The following NFXL1 variants were observed in gnomAD, a reference collection of about 807,000 sequenced individuals.
NFXL1 encodes the protein nuclear transcription factor, X-box binding like 1, also known as NF-X1-type zinc finger protein NFXL1.
NFXL1 carries 66 observed loss-of-function variants against 123.3 expected under a neutral mutation model. That is an observed-to-expected ratio of 0.54 (90% CI 0.44 to 0.66). NFXL1 has a LOEUF of 0.66. Ranked by LOEUF, NFXL1 falls within the 30% of genes least tolerant of loss-of-function variation. The probability of loss-of-function intolerance (pLI) is 0.00; values close to 1 mark genes in which losing one functional copy is unlikely to be tolerated. For missense variants in NFXL1, 944 were observed against 1,125.6 expected (o/e 0.84, Z 2.31); for synonymous variants, 346 against 360.8 (o/e 0.96, Z 0.46).
At chr4:47,890,195 A>C (rs1270469227) in intron 12 of NFXL1, among the ~76,000 whole-genome samples, 1 of 152,178 alleles carries the variant, frequency 6.6e-6, no homozygotes, top group Non-Finnish European at 1.5e-5. Context: ...CCAGCTTCGG[A>C]CATATCTAAT....
In NFXL1 at chr4:47,884,326, A is replaced by G. The variant is rs746992951; in HGVS notation, c.1916+20T>C. 7.1e-7 allele frequency: 1 copy of G among 1,402,862 alleles called. No homozygotes were observed. Among genetic ancestry groups the G allele is most frequent in the South Asian group, 1.2e-5 (1 of 80,426 alleles). The allele number at this position is 1,402,862 out of a possible 1,614,324, so 86.9% of individuals were successfully genotyped here. On this transcript the variant is annotated intron_variant, in intron 15 of 22. Coordinates refer to ENST00000507489, the MANE Select transcript of NFXL1 (RefSeq NM_001278624.2). ...AAAAGTTTTTTGTTTTTTTTTTTTAATTGAAATTCTAATACTTACATAGGA... is the reference window on the plus strand; with the variant it reads ...AAAAGTTTTTTGTTTTTTTTTTTTAGTTGAAATTCTAATACTTACATAGGA...
intron 3 of NFXL1, among the ~76,000 whole-genome samples, chr4:47,909,143 T>C (rs1340137139): frequency 6.6e-6 from 1 of 151,946 alleles, no homozygotes; most frequent in East Asian, 1.9e-4. Flanking sequence ...TCCTAACAAC[T>C]CTACAGTATT....
intron 3 of NFXL1, 32 bp from the exon 4 acceptor site, chr4:47,905,378 A>C (rs1737523226): frequency 9.5e-7 from 1 of 1,056,750 alleles, no homozygotes; most frequent in African/African-American, 1.6e-5. Context: ...ATCTCACCCT[A>C]AACAACATCT....
intron 10 of NFXL1, 55 bp downstream of exon 10, chr4:47,896,468 T>G: frequency 7.3e-7 from 1 of 1,378,366 alleles, no homozygotes; most frequent in East Asian, 2.3e-5. Flanking sequence ...ACAATCTCAT[T>G]TGATACATTA....
intron 11 of NFXL1, among the ~76,000 whole-genome samples, chr4:47,893,052 G>C (rs973342929): frequency 6.6e-6 from 1 of 152,094 alleles, no homozygotes; most frequent in Admixed American, 6.5e-5. Context: ...CCAACTTCTA[G>C]AGATGAAAAT....
At chr4:47,873,855 T>C (rs1034343325) in intron 18 of NFXL1, among the ~76,000 whole-genome samples, 3 of 152,250 alleles carry the variant, frequency 2.0e-5, no homozygotes, top group Non-Finnish European at 4.4e-5. Flanking sequence ...TTTGTCTACA[T>C]TGGAAATCTG....
intron 20 of NFXL1, among the ~76,000 whole-genome samples, chr4:47,853,028 G>A (rs1282371786): frequency 4.0e-5 from 6 of 149,696 alleles, no homozygotes; most frequent in African/African-American, 1.5e-4. Flanking sequence ...ACATAGTCTT[G>A]TCCTCCAAAG....
chr4:47,907,600 TAAATC>T (rs1737621128), intron 3 of NFXL1, among the ~76,000 whole-genome samples: 1 of 152,216 alleles, frequency 6.6e-6, no homozygotes, highest in Admixed American at 6.5e-5. Context: ...TGTATGTTCT[TAAATC>T]AAGTGATCAG....
intron 5 of NFXL1, among the ~76,000 whole-genome samples, chr4:47,900,329 T>C (rs1737305939): frequency 6.6e-6 from 1 of 152,080 alleles, no homozygotes; most frequent in African/African-American, 2.4e-5. Flanking sequence ...CGTGCCTCAG[T>C]GTCCCAAGTA....
chr4:47,873,489 C>T (rs1310389729), intron 18 of NFXL1, among the ~76,000 whole-genome samples: 1 of 152,148 alleles, frequency 6.6e-6, no homozygotes, highest in African/African-American at 2.4e-5. Flanking sequence ...CATTCATCTC[C>T]TTGTATATCT....
At chr4:47,896,428 T>C (rs1737088679) in intron 10 of NFXL1, 95 bp downstream of exon 10, 1 of 949,342 alleles carries the variant, frequency 1.1e-6, no homozygotes, top group Non-Finnish European at 1.6e-6. Context: ...CAGATGTATA[T>C]GAAAATAAGT....
At chr4:47,860,142 T>TA (rs58227578) in intron 19 of NFXL1, among the ~76,000 whole-genome samples, 41 of 152,198 alleles carry the variant, frequency 2.7e-4, no homozygotes, top group African/African-American at 9.4e-4. Flanking sequence ...GTTCTCACCA[T>TA]AAAAAAATGC....
At chr4:47,886,648 C>T (rs1444453652) in intron 12 of NFXL1, among the ~76,000 whole-genome samples, 1 of 152,158 alleles carries the variant, frequency 6.6e-6, no homozygotes, top group Non-Finnish European at 1.5e-5. Context: ...GGTGTACAGG[C>T]GTGAGCCACT....
chr4:47,861,753 CTCTTCTTATAATCTTACATAAA>C (rs1260386541), intron 19 of NFXL1, among the ~76,000 whole-genome samples: 1 of 152,178 alleles, frequency 6.6e-6, no homozygotes, highest in South Asian at 2.1e-4. Context: ...CAAATGGCCT[CTCTTCTTATAATCTTACATAAA>C]TTTAAAAACT....
chr4:47,852,550 T>C (rs1734182286), intron 20 of NFXL1, among the ~76,000 whole-genome samples: 1 of 152,172 alleles, frequency 6.6e-6, no homozygotes, highest in Admixed American at 6.5e-5. Context: ...CTCTCGACTG[T>C]TAAACTTTTT....
chr4:47,914,205 C>A lies in NFXL1; in HGVS notation c.-2G>T. On this transcript the variant is annotated splice_region_variant and 5_prime_UTR_variant, in exon 2 of 23. Transcript: ENST00000507489. ...CACCTGGCGCCAGGAAGCTTCCATC[C>A]CTGCAAAGGAGAAAAAAAAAAAAAA... is the stretch of plus-strand genomic sequence containing the variant. 1 of 1,472,374 alleles carries A rather than the reference C, an allele frequency of 6.8e-7. No homozygotes were observed. The highest frequency in any genetic ancestry group is 9.0e-7 in the Non-Finnish European group (1 of 1,112,462). 91.2% of individuals were successfully genotyped at this position (1,472,374 alleles called of 1,614,324 possible).
chr4:47,855,655 T>A (rs1447626863), intron 19 of NFXL1, among the ~76,000 whole-genome samples: 1 of 152,068 alleles, frequency 6.6e-6, no homozygotes, highest in Non-Finnish European at 1.5e-5. Context: ...CACACCTACC[T>A]TCCCTGTACT....
chr4:47,857,689 T>C (rs1734491522), intron 19 of NFXL1, among the ~76,000 whole-genome samples: 1 of 152,196 alleles, frequency 6.6e-6, no homozygotes, highest in South Asian at 2.1e-4. Context: ...GATGGCTGCC[T>C]GGTTCACCAT....
chr4:47,894,333 T>G (rs967270592), intron 10 of NFXL1, 31 bp from the exon 11 acceptor site: 13 of 1,519,056 alleles, frequency 8.6e-6, no homozygotes, highest in Non-Finnish European at 1.2e-5. Context: ...CTATTAAAAT[T>G]GATTTTTGTT....
Sources: gnomAD v4.1 joint callset for allele counts (sites outside exome capture counted in the v4.1 genomes callset) on GRCh38, gnomAD v4.1.1 for gene constraint, MANE v1.5 for transcripts, NCBI Gene and HGNC (gene_info 2026-07-23, HGNC 2026-07-21) for gene names.